FRMD4B: variants seen among roughly 807,000 people sequenced by gnomAD.
FRMD4B encodes the protein FERM domain containing 4B.
FRMD4B carries 74 observed loss-of-function variants against 141.5 expected under a neutral mutation model. That is an observed-to-expected ratio of 0.52 (90% CI 0.43 to 0.63). The LOEUF (loss-of-function observed/expected upper bound fraction) is 0.63. Among genes scored for constraint, FRMD4B ranks in the 30% least tolerant of loss-of-function variants. FRMD4B has a pLI of 0.00. For missense variants in FRMD4B, 1,366 were observed against 1,253.4 expected (o/e 1.09, Z -1.36); for synonymous variants, 506 against 467.9 (o/e 1.08, Z -1.05).
At chr3:69,293,665 G>C (rs1480185583) in intron 4 of FRMD4B, among the ~76,000 whole-genome samples, 2 of 152,016 alleles carry the variant, frequency 1.3e-5, no homozygotes, top group Non-Finnish European at 2.9e-5. Context: ...CAGATCACTT[G>C]AGGCCAGGAG....
At chr3:69,352,790 A>C (rs568818421) in intron 1 of FRMD4B, among the ~76,000 whole-genome samples, 3 of 152,354 alleles carry the variant, frequency 2.0e-5, no homozygotes, top group Admixed American at 2.0e-4. Flanking sequence ...AATTCTGATC[A>C]CATAGAATCC....
chr3:69,334,744 G>C (rs893588408), intron 1 of FRMD4B, among the ~76,000 whole-genome samples: 2 of 152,186 alleles, frequency 1.3e-5, no homozygotes, highest in Admixed American at 1.3e-4. Context: ...TCCACTGTGT[G>C]ACTAGCATCC....
chr3:69,297,534 T>C, intron 4 of FRMD4B, among the ~76,000 whole-genome samples: 1 of 152,112 alleles, frequency 6.6e-6, no homozygotes, highest in East Asian at 1.9e-4. Flanking sequence ...GATGCCAAGA[T>C]TCTGGCTTTG....
chr3:69,329,010 C>CCTAAA (rs1702271131), intron 1 of FRMD4B, among the ~76,000 whole-genome samples: 1 of 152,162 alleles, frequency 6.6e-6, no homozygotes, highest in Non-Finnish European at 1.5e-5. Flanking sequence ...ATGGACTCAT[C>CCTAAA]CTAAATTCTT....
chr3:69,182,568 G>C, intron 20 of FRMD4B, 30 bp downstream of exon 20: 1 of 1,581,808 alleles, frequency 6.3e-7, no homozygotes, highest in Non-Finnish European at 8.6e-7. Context: ...AATCAAGACA[G>C]CTAAAGCAAT....
At chr3:69,489,228 T>C (rs1487858199) in intron 1 of FRMD4B, among the ~76,000 whole-genome samples, 1 of 151,372 alleles carries the variant, frequency 6.6e-6, no homozygotes, top group East Asian at 1.9e-4. Context: ...AAAAATATGA[T>C]AGACATTTCT....
chr3:69,180,759 C>G (rs765927996), intron 21 of FRMD4B, 140 bp downstream of exon 21: 20 of 619,684 alleles, frequency 3.2e-5, no homozygotes, highest in Non-Finnish European at 5.1e-5. Flanking sequence ...GTTGGAAATT[C>G]TTATTGTGGG....
chr3:69,245,064 C>A (rs2093413125), intron 7 of FRMD4B, among the ~76,000 whole-genome samples: 1 of 152,140 alleles, frequency 6.6e-6, no homozygotes, highest in African/African-American at 2.4e-5. Context: ...ATTACAGGAA[C>A]TGTTTTAAAT....
intron 1 of FRMD4B, among the ~76,000 whole-genome samples, chr3:69,439,973 T>C (rs9845866): frequency 0.39 from 59,468 of 152,076 alleles, 12,732 homozygotes; most frequent in African/African-American, 0.57. Flanking sequence ...TTAGAGATTC[T>C]GGAAACTTGC....
chr3:69,510,417 C>G (rs913329282), intron 1 of FRMD4B, among the ~76,000 whole-genome samples: 1 of 152,064 alleles, frequency 6.6e-6, no homozygotes. Context: ...TAATGAATTG[C>G]CTTTGTATTA....
intron 1 of FRMD4B, among the ~76,000 whole-genome samples, chr3:69,501,924 G>A (rs373574597): frequency 1.4e-4 from 21 of 152,140 alleles, no homozygotes; most frequent in African/African-American, 3.9e-4. Context: ...GTGAATTCCC[G>A]TTCACAATTG....
chr3:69,485,095 T>A (rs1160421425), intron 1 of FRMD4B, among the ~76,000 whole-genome samples: 1 of 152,050 alleles, frequency 6.6e-6, no homozygotes, highest in African/African-American at 2.4e-5. Context: ...TCAACCCCCC[T>A]CAACTTCCCC....
chr3:69,307,619 G>A (rs1160143946), intron 3 of FRMD4B, among the ~76,000 whole-genome samples: 1 of 152,136 alleles, frequency 6.6e-6, no homozygotes, highest in African/African-American at 2.4e-5. Context: ...GATTACAGGC[G>A]TGAGCCACCA....
intron 11 of FRMD4B, among the ~76,000 whole-genome samples, chr3:69,205,169 C>CG (rs1559715317): frequency 6.6e-6 from 1 of 151,424 alleles, no homozygotes; most frequent in African/African-American, 2.4e-5. Context: ...GAGTCCCCCC[C>CG]CTTTTTTTTT....
In FRMD4B at chr3:69,171,123, CT is replaced by C. The variant is rs1021655977; in HGVS notation, c.*737del. ...AAAAAGGAGCTCCATGATATTGTAC[CT>C]TAGAATGTTCTCCAAGCAGACTTTG... is the stretch of plus-strand genomic sequence containing the variant. On this transcript the variant is annotated 3_prime_UTR_variant, in exon 23 of 23. Transcript: ENST00000398540. 4.6e-5 allele frequency: 7 copies of C among 152,152 alleles called. No individual in the cohort carries two copies. Among genetic ancestry groups the C allele is most frequent in the African/African-American group, 1.7e-4 (7 of 41,432 alleles). 9.4% of individuals were successfully genotyped at this position (152,152 alleles called of 1,614,324 possible). A position where few individuals can be genotyped will look rare whatever the true frequency, so the allele number is the denominator to read the frequency against.
At chr3:69,407,792 A>C (rs1250847213) in intron 2 of FRMD4B, among the ~76,000 whole-genome samples, 3 of 152,206 alleles carry the variant, frequency 2.0e-5, no homozygotes, top group African/African-American at 7.2e-5. Context: ...GCGGCTGCAG[A>C]AGTGTCACCC....
intron 5 of FRMD4B, among the ~76,000 whole-genome samples, chr3:69,278,797 C>T (rs934074043): frequency 5.9e-5 from 9 of 151,958 alleles, no homozygotes; most frequent in Admixed American, 4.6e-4. Flanking sequence ...CCACGTTGTC[C>T]AGGCTGGTCT....
intron 5 of FRMD4B, among the ~76,000 whole-genome samples, chr3:69,260,714 CCT>C (rs993545233): frequency 6.6e-6 from 1 of 152,240 alleles, no homozygotes; most frequent in African/African-American, 2.4e-5. Context: ...CAGATGGGCC[CCT>C]GAGTTAAGTA....
At chr3:69,291,902 A>G (rs1360747852) in intron 4 of FRMD4B, among the ~76,000 whole-genome samples, 2 of 142,458 alleles carry the variant, frequency 1.4e-5, no homozygotes, top group Admixed American at 7.6e-5. Flanking sequence ...AGTGCTCTAC[A>G]GGAATCTCTT....
Sources: allele counts gnomAD v4.1 joint callset (sites outside exome capture counted in the v4.1 genomes callset), GRCh38; gene constraint gnomAD v4.1.1; transcripts MANE v1.5; gene names NCBI Gene and HGNC (gene_info 2026-07-23, HGNC 2026-07-21).